FRMPD4: variants seen among roughly 807,000 people sequenced by gnomAD.
FRMPD4 encodes FERM and PDZ domain containing 4.
FRMPD4 carries 22 observed loss-of-function variants against 94.1 expected under a neutral mutation model. That is an observed-to-expected ratio of 0.23 (90% CI 0.17 to 0.33). The LOEUF is 0.33. Ranked by LOEUF, FRMPD4 falls within the 10% of genes least tolerant of loss-of-function variation. The probability of loss-of-function intolerance (pLI) is 1.00; values close to 1 mark genes in which losing one functional copy is unlikely to be tolerated. For synonymous variants in FRMPD4, 631 were observed against 548.6 expected (o/e 1.15, Z -2.10); for missense variants, 1,111 against 1,339.9 (o/e 0.83, Z 2.67).
rs1350633303 is a variant in FRMPD4 at position 12,243,935 on chromosome X, A to C, written c.41+104923A>C. Among the ~76,000 whole-genome samples the C allele has an allele frequency of 2.9e-5, 3 of 104,703 alleles. No individual in the cohort carries two copies. In the Admixed American group the frequency reaches 3.2e-4, roughly 11 times the overall value. The allele number at this position is 104,703 out of a possible 115,157, so 90.9% of individuals were successfully genotyped here. ...CTCAGCTTCCTGAGTAGCTGGGACTACAGGCATACACCATGTTGCCCAGCT... is the reference window on the plus strand; with the variant it reads ...CTCAGCTTCCTGAGTAGCTGGGACTCCAGGCATACACCATGTTGCCCAGCT... On this transcript the variant is annotated intron_variant, in intron 1 of 16. Transcript: ENST00000675598.
intron 3 of FRMPD4, among the ~76,000 whole-genome samples, chrX:11,992,640 T>C (rs1264708891): frequency 8.9e-6 from 1 of 112,122 alleles, no homozygotes; most frequent in Non-Finnish European, 1.9e-5. Flanking sequence ...TCAAAAATTG[T>C]ATCTGGAATT....
At chrX:12,640,792 T>A (rs573422994) in intron 4 of FRMPD4, among the ~76,000 whole-genome samples, 2 of 112,312 alleles carry the variant, frequency 1.8e-5, no homozygotes, top group African/African-American at 6.5e-5. Flanking sequence ...AATTGTTGAA[T>A]GGCTTTTATT....
At chrX:12,074,463 A>AT (rs1420717274) in intron 3 of FRMPD4, among the ~76,000 whole-genome samples, 2 of 111,048 alleles carry the variant, frequency 1.8e-5, no homozygotes, top group Admixed American at 1.9e-4. Flanking sequence ...CTGCTTAGAG[A>AT]TTTTTCCAGA....
chrX:12,049,882 A>C (rs1257902038), intron 3 of FRMPD4, among the ~76,000 whole-genome samples: 2 of 111,693 alleles, frequency 1.8e-5, no homozygotes, highest in African/African-American at 6.5e-5. Flanking sequence ...AAAAAAGTTT[A>C]AAAAGAAAAC....
intron 1 of FRMPD4, among the ~76,000 whole-genome samples, chrX:12,481,038 T>G (rs974365658): frequency 5.4e-5 from 6 of 111,525 alleles, no homozygotes; most frequent in Non-Finnish European, 9.4e-5. Context: ...CAGGTAGTAA[T>G]ACCCAATACC....
chrX:12,379,277 A>AT (rs1482597635), intron 1 of FRMPD4, among the ~76,000 whole-genome samples: 1 of 112,129 alleles, frequency 8.9e-6, no homozygotes, highest in Admixed American at 9.5e-5. Flanking sequence ...TAATTGATGA[A>AT]TTTTGTGACT....
At chrX:11,849,801 A>G (rs2053609672) in intron 1 of FRMPD4, among the ~76,000 whole-genome samples, 1 of 111,319 alleles carries the variant, frequency 9.0e-6, no homozygotes, top group African/African-American at 3.3e-5. Context: ...AAGCCTAAAC[A>G]TATGTGCTAA....
chrX:12,143,870 G>T (rs1380857084), intron 1 of FRMPD4, among the ~76,000 whole-genome samples: 1 of 112,242 alleles, frequency 8.9e-6, no homozygotes, highest in African/African-American at 3.2e-5. Flanking sequence ...GGACATAATT[G>T]TCCTACTAAT....
At chrX:12,317,612 A>ACC (rs1555950769) in intron 1 of FRMPD4, among the ~76,000 whole-genome samples, 1 of 104,788 alleles carries the variant, frequency 9.5e-6, no homozygotes, top group African/African-American at 3.9e-5. Context: ...AACAAAAAAA[A>ACC]CAAAAACCCA....
chrX:12,250,066 GTGTGTT>G (rs1345540253), intron 1 of FRMPD4, among the ~76,000 whole-genome samples: 6 of 81,810 alleles, frequency 7.3e-5, no homozygotes, highest in Non-Finnish European at 1.4e-4. Flanking sequence ...GTGTGTGTTT[GTGTGTT>G]TGTGTGTGTG....
In FRMPD4 at chrX:12,614,723, C is replaced by T. The variant is rs2059218252; in HGVS notation, c.320-56C>T. The T allele has an allele frequency of 6.4e-6, 4 of 623,767 alleles. No homozygotes were observed. In the East Asian group the frequency reaches 1.3e-4, roughly 21 times the overall value. The allele number at this position is 623,767 out of a possible 1,213,427, so 51.4% of individuals were successfully genotyped here. Reference sequence around the variant, plus strand: ...AGTGAATCATGATCAGGAGAGGAGGCTTGGGATAGGTTGCTAATGGTCTTC... The same window carrying T: ...AGTGAATCATGATCAGGAGAGGAGGTTTGGGATAGGTTGCTAATGGTCTTC... On this transcript the variant is annotated intron_variant, in intron 3 of 16. Transcript: ENST00000675598.
chrX:12,208,067 A>T (rs989922620), intron 1 of FRMPD4, among the ~76,000 whole-genome samples: 1 of 111,554 alleles, frequency 9.0e-6, no homozygotes, highest in Non-Finnish European at 1.9e-5. Flanking sequence ...ACTAAAATAG[A>T]CCCATTGTAA....
chrX:12,356,601 A>G (rs985107446), intron 1 of FRMPD4, among the ~76,000 whole-genome samples: 1 of 112,139 alleles, frequency 8.9e-6, no homozygotes, highest in East Asian at 2.8e-4. Flanking sequence ...ACGTGTGACT[A>G]TAACAAAAAC....
At chrX:12,487,401 T>G (rs934967178) in intron 1 of FRMPD4, among the ~76,000 whole-genome samples, 3 of 112,231 alleles carry the variant, frequency 2.7e-5, no homozygotes, top group African/African-American at 9.7e-5. Flanking sequence ...ATCTGCAAAT[T>G]GGTTTCCATC....
chrX:11,955,157 TG>T (rs1355417882), intron 3 of FRMPD4, among the ~76,000 whole-genome samples: 1 of 110,974 alleles, frequency 9.0e-6, no homozygotes, highest in African/African-American at 3.3e-5. Flanking sequence ...GGCCCAATCA[TG>T]AAGGCTAATC....
rs1276750653 is a variant in FRMPD4, at chrX:11,955,737, G to A, written c.95+77719G>A. On this transcript the variant is annotated intron_variant, in intron 3 of 18. Transcript: ENST00000640291. ...AGCCTGGGCGACAGAGCAAGACTCC[G>A]TCTCAAAAAGAAAAAAAAAAAAAAA... 1.2e-4 allele frequency among the ~76,000 whole-genome samples: 12 copies of A among 96,241 alleles called. No individual in the cohort carries two copies. In the East Asian group the frequency reaches 2.1e-3, roughly 17 times the overall value. 83.6% of individuals were successfully genotyped at this position (96,241 alleles called of 115,157 possible).
intron 1 of FRMPD4, among the ~76,000 whole-genome samples, chrX:12,265,482 T>C (rs6640951): frequency 0.17 from 19,145 of 111,387 alleles, 1,474 homozygotes; most frequent in East Asian, 0.42. Context: ...ATGATGACAG[T>C]GAGCCTTTTC....
intron 1 of FRMPD4, among the ~76,000 whole-genome samples, chrX:12,197,283 CTG>C (rs1275901741): frequency 9.0e-6 from 1 of 111,001 alleles, no homozygotes; most frequent in African/African-American, 3.3e-5. Flanking sequence ...GCTTCCATAA[CTG>C]TGAAATGGGG....
chrX:11,849,900 T>C (rs1261860779), intron 1 of FRMPD4, among the ~76,000 whole-genome samples: 1 of 111,354 alleles, frequency 9.0e-6, no homozygotes, highest in Admixed American at 9.6e-5. Flanking sequence ...ACCAAAAGCA[T>C]AGGCAACAAA....
Sources: gnomAD v4.1 joint callset for allele counts (sites outside exome capture counted in the v4.1 genomes callset) on GRCh38, gnomAD v4.1.1 for gene constraint, MANE v1.5 for transcripts, NCBI Gene and HGNC (gene_info 2026-07-23, HGNC 2026-07-21) for gene names.